Variants in OLFML2A observed in about 807,000 individuals in gnomAD.
OLFML2A encodes olfactomedin like 2A, also known as olfactomedin-like protein 2A.
Under a neutral mutation model 60.9 loss-of-function variants are expected in OLFML2A, and 47 were observed. The observed-to-expected ratio is 0.77, with a 90% CI of 0.61 to 0.98. The LOEUF is 0.98. OLFML2A is among the 50% of genes least tolerant of loss of function. OLFML2A has a pLI of 0.00. For missense variants in OLFML2A, 922 were observed against 879.8 expected (o/e 1.05, Z -0.61); for synonymous variants, 372 against 375.0 (o/e 0.99, Z 0.09).
intron 1 of OLFML2A, among the ~76,000 whole-genome samples, chr9:124,785,543 G>A (rs1055225835): frequency 2.6e-5 from 4 of 151,678 alleles, no homozygotes; most frequent in East Asian, 2.0e-4. Context: ...GACCACAGGC[G>A]CCCGCCATCA....
intron 4 of OLFML2A, chr9:124,800,968 A>G (rs1288348040): frequency 1.3e-6 from 2 of 1,546,968 alleles, no homozygotes; most frequent in African/African-American, 1.4e-5. Context: ...AAAACTAGGA[A>G]TGTTCCAGGC....
intron 1 of OLFML2A, among the ~76,000 whole-genome samples, chr9:124,786,269 A>G (rs1261343338): frequency 6.6e-6 from 1 of 152,156 alleles, no homozygotes; most frequent in Non-Finnish European, 1.5e-5. Context: ...CAAAATATAC[A>G]AAAATTAGCT....
At chr9:124,803,179 G>T (rs1320812873) in intron 5 of OLFML2A, among the ~76,000 whole-genome samples, 1 of 152,144 alleles carries the variant, frequency 6.6e-6, no homozygotes, top group East Asian at 1.9e-4. Flanking sequence ...AAAGTGCTGG[G>T]ATTACAGGCA....
At chr9:124,788,220 TG>T (rs1273176505) in intron 2 of OLFML2A, among the ~76,000 whole-genome samples, 5 of 151,360 alleles carry the variant, frequency 3.3e-5, no homozygotes, top group African/African-American at 1.2e-4. Flanking sequence ...GAGAATCACT[TG>T]AACCCAGGAG....
chr9:124,810,271 G>T lies in OLFML2A; in HGVS notation c.1818G>T (p.Thr606=), dbSNP rs35972823. The T allele has an allele frequency of 3.1e-6, 5 of 1,610,964 alleles. No homozygotes were observed. The highest frequency in any genetic ancestry group is 4.2e-6 in the Non-Finnish European group (5 of 1,179,994). The part of the protein sequence containing the change: ...GQVAYAFDTH[T]GTDARPQLPF... ...TCGCCTACGCTTTCGACACGCACAC[G>T]GGCACCGACGCACGCCCCCAGCTGC... The change falls in exon 8 of 8, where the codon ACG becomes ACT. Residue 606 remains threonine (T), a synonymous_variant. Transcript: ENST00000373580.
chr9:124,786,922 C>T (rs1286935371), intron 1 of OLFML2A, 53 bp from the exon 2 acceptor site: 1 of 1,561,374 alleles, frequency 6.4e-7, no homozygotes, highest in Non-Finnish European at 8.7e-7. Context: ...TCCTCCCTGC[C>T]ATAGCACTGC....
rs1841733425 is a variant in OLFML2A, at chr9:124,799,485, G to A, written c.663G>A (p.Lys221=). ...CCCCTGCCACGGGCACTGGTAGCAA[G>A]GCCCAGGTGAGGCCCCAGCTCTGAT... ...PATPATGTGS[K]AQDTARGKGK... Residue 221 remains lysine (K), a synonymous_variant, in exon 4 of 8, where the codon AAG becomes AAA. Coordinates refer to ENST00000373580, the MANE Select transcript of OLFML2A (RefSeq NM_182487.4). 6.3e-7 allele frequency: 1 copy of A among 1,591,868 alleles called. No homozygotes were observed. Among genetic ancestry groups the A allele is most frequent in the Non-Finnish European group, 8.5e-7 (1 of 1,170,102 alleles).
intron 1 of OLFML2A, among the ~76,000 whole-genome samples, chr9:124,783,024 G>A (rs1226843876): frequency 6.6e-6 from 1 of 151,968 alleles, no homozygotes; most frequent in African/African-American, 2.4e-5. Flanking sequence ...GAATGTACAG[G>A]ACCCTGAGCC....
intron 4 of OLFML2A, 53 bp from the exon 5 acceptor site, chr9:124,801,361 C>T (rs1841770428): frequency 8.8e-6 from 14 of 1,597,714 alleles, no homozygotes; most frequent in Non-Finnish European, 1.1e-5. Flanking sequence ...CCAGGACTCC[C>T]CACAACATTT....
chr9:124,781,370 G>T (rs1841358681), intron 1 of OLFML2A, among the ~76,000 whole-genome samples: 1 of 152,270 alleles, frequency 6.6e-6, no homozygotes, highest in Non-Finnish European at 1.5e-5. Context: ...GTCTTGGAAT[G>T]GATTGAGTTT....
At chr9:124,805,960 C>CGT (rs1841891037) in intron 6 of OLFML2A, among the ~76,000 whole-genome samples, 1 of 151,352 alleles carries the variant, frequency 6.6e-6, no homozygotes, top group Non-Finnish European at 1.5e-5. Flanking sequence ...GGATTTCAGG[C>CGT]ACACACCACC....
At chr9:124,784,411 C>T (rs1387745789) in intron 1 of OLFML2A, among the ~76,000 whole-genome samples, 1 of 152,048 alleles carries the variant, frequency 6.6e-6, no homozygotes, top group Non-Finnish European at 1.5e-5. Flanking sequence ...ACCATGTTGG[C>T]CAGGCTGGCC....
intron 6 of OLFML2A, among the ~76,000 whole-genome samples, chr9:124,807,292 C>CTTTTTTT (rs1220692026): frequency 3.5e-5 from 3 of 86,488 alleles, no homozygotes; most frequent in Non-Finnish European, 2.1e-5. Flanking sequence ...TTTCTCCATT[C>CTTTTTTT]TCTTTTTTTT....
chr9:124,804,063 A>C, intron 5 of OLFML2A, 31 bp from the exon 6 acceptor site: 1 of 1,608,216 alleles, frequency 6.2e-7, no homozygotes, highest in Non-Finnish European at 8.5e-7. Flanking sequence ...GGTGGTGCTG[A>C]GATTTGAGCA....
At chr9:124,792,732 A>G (rs950701938) in intron 2 of OLFML2A, among the ~76,000 whole-genome samples, 1 of 152,152 alleles carries the variant, frequency 6.6e-6, no homozygotes, top group Non-Finnish European at 1.5e-5. Context: ...AGCCCCTAGG[A>G]GGAGCCATCA....
At position 124,801,638 on chromosome 9, in the gene OLFML2A, G is replaced by A. The variant is rs147840699; in HGVS notation, c.894G>A (p.Lys298=). ...IRGFTYYKAG[K]QEVTEAVADN... ...GCTTCACCTACTACAAGGCAGGCAA[G>A]CAGGAGGTGACCGAGGCGGTGGCAG... The change falls in exon 5 of 8, where the codon AAG becomes AAA. Residue 298 remains lysine (K), a synonymous_variant. Coordinates refer to ENST00000373580, the MANE Select transcript of OLFML2A (RefSeq NM_182487.4). 10 of 1,613,446 alleles carry A rather than the reference G, an allele frequency of 6.2e-6. No individual in the cohort carries two copies. The African/African-American group carries it at 9.3e-5, about 15-fold the overall frequency.
At chr9:124,805,118 G>A (rs1841864884) in intron 6 of OLFML2A, among the ~76,000 whole-genome samples, 2 of 152,086 alleles carry the variant, frequency 1.3e-5, no homozygotes, top group Admixed American at 1.3e-4. Context: ...CTGTTTTGAT[G>A]TCAGCATTTA....
In OLFML2A at chr9:124,801,548, G is replaced by A. The variant is rs1370298957; in HGVS notation, c.804G>A (p.Lys268=). The A allele has an allele frequency of 6.2e-6, 10 of 1,613,998 alleles. No individual in the cohort carries two copies. The highest frequency in any genetic ancestry group is 1.3e-5 in the African/African-American group (1 of 74,918). The change falls in exon 5 of 8, where the codon AAG becomes AAA. Residue 268 remains lysine, a synonymous_variant. Coordinates refer to ENST00000373580, the MANE Select transcript of OLFML2A (RefSeq NM_182487.4). ...AGAAGCTGAGAAAGGAGAGCGGCAA[G>A]GGCAGTTTCCTCCAGCCCACAGCCA... The part of the protein sequence containing the change: ...QVEKLRKESG[K]GSFLQPTAKP...
chr9:124,791,900 A>G (rs1276091656), intron 2 of OLFML2A, among the ~76,000 whole-genome samples: 1 of 152,194 alleles, frequency 6.6e-6, no homozygotes, highest in Non-Finnish European at 1.5e-5. Flanking sequence ...TGACTGTATC[A>G]CAGGCTGCTA....
Sources: allele counts gnomAD v4.1 joint callset (sites outside exome capture counted in the v4.1 genomes callset), GRCh38; gene constraint gnomAD v4.1.1; transcripts MANE v1.5; gene names NCBI Gene and HGNC (gene_info 2026-07-23, HGNC 2026-07-21).